NFATC2: variants seen among roughly 807,000 people sequenced by gnomAD.
NFATC2 encodes nuclear factor of activated T-cells, cytoplasmic 2.
Under a neutral mutation model 87.3 loss-of-function variants are expected in NFATC2, and 22 were observed. That is an observed-to-expected ratio of 0.25 (90% CI 0.18 to 0.36). The LOEUF (loss-of-function observed/expected upper bound fraction) is 0.36. Among genes scored for constraint, NFATC2 ranks in the 10% least tolerant of loss-of-function variants. The pLI, the probability that NFATC2 is intolerant of heterozygous loss-of-function variation, is 1.00. For synonymous variants in NFATC2, 565 were observed against 542.2 expected, an observed-to-expected ratio of 1.04 and a Z score of -0.58; for missense variants, 1,149 against 1,259.1, an observed-to-expected ratio of 0.91 and a Z score of 1.32.
intron 3 of NFATC2, among the ~76,000 whole-genome samples, chr20:51,513,215 A>C (rs2076299492): frequency 6.6e-6 from 1 of 152,236 alleles, no homozygotes; most frequent in Non-Finnish European, 1.5e-5. Context: ...GTGGTGGCTC[A>C]CACTGTAATC....
chr20:51,399,632 T>C (rs1987771102), intron 9 of NFATC2, among the ~76,000 whole-genome samples: 1 of 152,214 alleles, frequency 6.6e-6, no homozygotes, highest in Non-Finnish European at 1.5e-5. Flanking sequence ...CAACAGGAAT[T>C]GGCTAGTTGG....
intron 1 of NFATC2, among the ~76,000 whole-genome samples, chr20:51,556,293 T>G (rs571157382): frequency 6.6e-6 from 1 of 152,318 alleles, no homozygotes; most frequent in East Asian, 1.9e-4. Context: ...CCATTCAATT[T>G]GTGGTCATTT....
chr20:51,559,056 A>G (rs2077000779), intron 1 of NFATC2, among the ~76,000 whole-genome samples: 2 of 152,184 alleles, frequency 1.3e-5, no homozygotes, highest in African/African-American at 2.4e-5. Context: ...GTCTGAGAAG[A>G]GAGGCTTGCA....
chr20:51,516,285 T>C (rs912730444), intron 3 of NFATC2, among the ~76,000 whole-genome samples: 2 of 152,130 alleles, frequency 1.3e-5, no homozygotes, highest in South Asian at 4.1e-4. Context: ...AGAATAGAAA[T>C]ATATGGTAAC....
At chr20:51,466,995 C>A (rs1299506769) in intron 5 of NFATC2, among the ~76,000 whole-genome samples, 1 of 148,584 alleles carries the variant, frequency 6.7e-6, no homozygotes, top group Non-Finnish European at 1.5e-5. Context: ...TCGCTTCAAC[C>A]TGGGAGGTAG....
chr20:51,548,892 T>C (rs1381012787), intron 1 of NFATC2, among the ~76,000 whole-genome samples: 1 of 152,234 alleles, frequency 6.6e-6, no homozygotes, highest in African/African-American at 2.4e-5. Flanking sequence ...TTTGTAGCCT[T>C]GGCAGCCCAG....
rs535661471 is a variant in NFATC2 at position 51,401,228 on chromosome 20, G to A, written c.2723-2498C>T. Among the ~76,000 whole-genome samples the A allele has an allele frequency of 3.0e-3, 449 of 152,176 alleles. 2 individuals are homozygous for A. Among genetic ancestry groups the A allele is most frequent in the Non-Finnish European group, 4.4e-3 (299 of 68,020 alleles). ...CTACTAAAAATACAAAAATTAGCTG[G>A]GTGTGACGGCAGGTGCCTGTAACCT... On this transcript the variant is annotated intron_variant, in intron 9 of 10. Coordinates refer to ENST00000371564, the MANE Select transcript of NFATC2 (RefSeq NM_012340.5).
chr20:51,432,478 T>C lies in NFATC2; in HGVS notation c.2311A>G (p.Met771Val), dbSNP rs894992599. 1.9e-6 allele frequency: 3 copies of C among 1,554,428 alleles called. No individual in the cohort carries two copies. The highest frequency in any genetic ancestry group is 2.7e-5 in the African/African-American group (2 of 73,320). The change falls in exon 9 of 11, where the codon ATG (methionine) becomes GTG (valine). Residue 771 changes from methionine to valine, a missense_variant. By Grantham distance (21) the Met-to-Val change is conservative. Transcript: ENST00000371564. This position sits in a 1 kb window ranked among gnomAD's most constrained non-coding sequence, Gnocchi z 4.6. Reference protein sequence around the residue: ...SLLGYQQPALMAAPLSLADAH... With the variant: ...SLLGYQQPALVAAPLSLADAH... ...TCCGCAAGGGACAGCGGGGCGGCCA[T>C]GAGGGCCGGCTGCTGATAGCCCAGC...
chr20:51,392,448 G>A (rs1986466317), intron 10 of NFATC2, among the ~76,000 whole-genome samples: 1 of 152,138 alleles, frequency 6.6e-6, no homozygotes, highest in Non-Finnish European at 1.5e-5. Flanking sequence ...TAGAATTAGG[G>A]CACTGAGATC....
intron 9 of NFATC2, among the ~76,000 whole-genome samples, chr20:51,429,615 T>C (rs1205824159): frequency 6.6e-6 from 1 of 152,228 alleles, no homozygotes; most frequent in Non-Finnish European, 1.5e-5. Flanking sequence ...AGTGTGGACA[T>C]CACCACCTGG....
At chr20:51,443,580 C>G (rs1984654049) in intron 6 of NFATC2, among the ~76,000 whole-genome samples, 1 of 152,144 alleles carries the variant, frequency 6.6e-6, no homozygotes, top group Non-Finnish European at 1.5e-5. Flanking sequence ...ACAATCAGAG[C>G]AACACAGCCC....
At chr20:51,532,840 G>T (rs531589702) in intron 1 of NFATC2, among the ~76,000 whole-genome samples, 2 of 152,366 alleles carry the variant, frequency 1.3e-5, no homozygotes, top group South Asian at 4.1e-4. Context: ...GTCCTTGGGG[G>T]GCACAGGGAG....
chr20:51,554,708 C>T (rs1568760262), intron 1 of NFATC2, among the ~76,000 whole-genome samples: 1 of 152,080 alleles, frequency 6.6e-6, no homozygotes, highest in Non-Finnish European at 1.5e-5. Context: ...CAAAGTCACA[C>T]GTGCACCATG....
In NFATC2 at chr20:51,471,869, G is replaced by A. The variant is rs146336048; in HGVS notation, c.1708+2111C>T. On this transcript the variant is annotated intron_variant, in intron 5 of 10. Transcript: ENST00000371564. ...TTTGGTTTATTTTTAAAAACCAGAA[G>A]ATTTCCAGCGCCAGCTGATGGATGC... 9.2e-3 allele frequency among the ~76,000 whole-genome samples: 1,397 copies of A among 152,300 alleles called. 52 individuals carry two copies. The East Asian group carries it at 0.13, about 14-fold the overall frequency.
rs749298884 is a variant in NFATC2 at position 51,432,384 on chromosome 20, G to A, written c.2405C>T (p.Pro802Leu). 6.2e-6 allele frequency: 10 copies of A among 1,609,406 alleles called. No individual in the cohort carries two copies. The highest frequency in any genetic ancestry group is 3.3e-4 in the Middle Eastern group (2 of 6,058). Residue 802 changes from proline (P) to leucine (L), a missense_variant, in exon 9 of 11, where the codon CCG (proline) becomes CTG (leucine). By Grantham distance (98) the Pro-to-Leu change is moderately conservative. This residue lies in a region of NFATC2 where 581 missense variants were observed against 649.7 expected (regional missense o/e 0.89). Transcript: ENST00000371564. The surrounding 1 kb of genome is among the most constrained non-coding windows in gnomAD (Gnocchi z 4.6). ...CACAGGCGAGGCCTGCTGGTTGGTC[G>A]GAGAGGGGTGGAGCAGGGCTGAGCT... is the stretch of plus-strand genomic sequence containing the variant. Reference protein sequence around the residue: ...GQSSALLHPSPTNQQASPVIH... With the variant: ...GQSSALLHPSLTNQQASPVIH...
chr20:51,523,665 C>A lies in NFATC2; in HGVS notation c.576G>T (p.Ser192=), dbSNP rs771790413. 8 of 1,613,656 alleles carry A rather than the reference C, an allele frequency of 5.0e-6. No homozygotes were observed. In the East Asian group the frequency reaches 1.1e-4, roughly 22 times the overall value. ...TFSPYTSPCV[S]PNNGGPDDLC... ...GGTCGTCGGGCCCGCCGTTATTGGG[C>A]GAGACGCAGGGCGAGGTGTAGGGGG... Residue 192 remains serine, a synonymous_variant, in exon 2 of 11, where the codon TCG becomes TCT. Coordinates refer to ENST00000371564, the MANE Select transcript of NFATC2 (RefSeq NM_012340.5). This position sits in a 1 kb window ranked among gnomAD's most constrained non-coding sequence, Gnocchi z 6.9.
At chr20:51,423,893 GC>G (rs1382578372) in intron 9 of NFATC2, among the ~76,000 whole-genome samples, 3 of 152,208 alleles carry the variant, frequency 2.0e-5, no homozygotes, top group Non-Finnish European at 4.4e-5. Context: ...GGAAACACTT[GC>G]TTTGCAGAAT....
chr20:51,553,472 G>GT (rs1568759450), intron 1 of NFATC2, among the ~76,000 whole-genome samples: 1 of 151,518 alleles, frequency 6.6e-6, no homozygotes, highest in African/African-American at 2.4e-5. Flanking sequence ...TCAGGAGATC[G>GT]AGACCATCCT....
At chr20:51,477,536 T>C (rs1186430384) in intron 3 of NFATC2, among the ~76,000 whole-genome samples, 3 of 14,882 alleles carry the variant, frequency 2.0e-4, no homozygotes, top group South Asian at 2.9e-3. Context: ...TGTGTGTGTC[T>C]ATATATATAT....
Sources: gnomAD v4.1 joint callset for allele counts (sites outside exome capture counted in the v4.1 genomes callset) on GRCh38, gnomAD v4.1.1 for gene constraint, gnomAD v4.1.1 regional missense constraint, Gnocchi (gnomAD v3.1) non-coding constraint, MANE v1.5 for transcripts, NCBI Gene and HGNC (gene_info 2026-07-23, HGNC 2026-07-21) for gene names.